FGFR1: variants seen among roughly 807,000 people sequenced by gnomAD.
FGFR1 encodes the protein fibroblast growth factor receptor 1.
FGFR1 carries 18 observed loss-of-function variants against 93.7 expected under a neutral mutation model. That is an observed-to-expected ratio of 0.19 (90% CI 0.13 to 0.28). The LOEUF (loss-of-function observed/expected upper bound fraction) is 0.28. Ranked by LOEUF, FGFR1 falls within the 10% of genes least tolerant of loss-of-function variation. The probability of loss-of-function intolerance (pLI) is 1.00; values close to 1 mark genes in which losing one functional copy is unlikely to be tolerated. For missense variants in FGFR1, 731 were observed against 1,080.4 expected, an observed-to-expected ratio of 0.68 and a Z score of 4.53; for synonymous variants, 448 against 429.3, an observed-to-expected ratio of 1.04 and a Z score of -0.54.
At chr8:38,444,572 T>TTTTTTTG (rs1182367329) in intron 2 of FGFR1, among the ~76,000 whole-genome samples, 1 of 150,618 alleles carries the variant, frequency 6.6e-6, no homozygotes, top group Non-Finnish European at 1.5e-5. Flanking sequence ...TTTTTTTTTT[T>TTTTTTTG]GTAGAGACAG....
At chr8:38,425,987 C>T in intron 6 of FGFR1, 135 bp downstream of exon 6, 1 of 1,171,144 alleles carries the variant, frequency 8.5e-7, no homozygotes, top group South Asian at 1.2e-5. Flanking sequence ...AAGTGACCTG[C>T]TCAAGGTGAC....
At position 38,413,898 on chromosome 8, in the gene FGFR1, TCTGGCA is replaced by T. The variant is rs1563428565; in HGVS notation, c.2292+14_2292+19del. The T allele has an allele frequency of 6.2e-7, 1 of 1,613,726 alleles. No homozygotes were observed. The highest frequency in any genetic ancestry group is 1.3e-5 in the African/African-American group (1 of 74,998). Reference sequence around the variant, plus strand: ...CAGTGGGGACGGCCTGAGCTCTGGCTCTGGCACGGGCAGCCTTACCTGGTTGGAGGT... The same window carrying T: ...CAGTGGGGACGGCCTGAGCTCTGGCTCGGGCAGCCTTACCTGGTTGGAGGT... On this transcript the variant is annotated intron_variant, in intron 17 of 17. Coordinates refer to ENST00000447712, the MANE Select transcript of FGFR1 (RefSeq NM_023110.3). This position sits in a 1 kb window ranked among gnomAD's most constrained non-coding sequence, Gnocchi z 4.2.
At chr8:38,450,814 G>A (rs1188606867) in intron 2 of FGFR1, among the ~76,000 whole-genome samples, 1 of 152,226 alleles carries the variant, frequency 6.6e-6, no homozygotes, top group Admixed American at 6.5e-5. Flanking sequence ...TGGAAAATCA[G>A]TGAAGCTAAT....
At chr8:38,467,750 A>AGCGCAGGGAGGGG (rs1400565026) in intron 1 of FGFR1, 1 of 231,948 alleles carries the variant, frequency 4.3e-6, no homozygotes, top group Non-Finnish European at 8.5e-6. Flanking sequence ...CGGCGGGACG[A>AGCGCAGGGAGGGG]GCGCAGGGAG....
rs1475514539 is a variant in FGFR1 at position 38,467,662 on chromosome 8, C to T, written c.-89+319G>A. ...GCCTTCGCCCCGGGCCTGTCCCTCC[C>T]GGGACTCACTGAGGAGCCGCCGCCG... On this transcript the variant is annotated intron_variant, in intron 1 of 17. Coordinates refer to ENST00000447712, the MANE Select transcript of FGFR1 (RefSeq NM_023110.3). 16 of 234,024 alleles carry T rather than the reference C, an allele frequency of 6.8e-5. No individual in the cohort carries two copies. The East Asian group carries it at 8.4e-4, about 12-fold the overall frequency. 14.5% of individuals were successfully genotyped at this position (234,024 alleles called of 1,614,324 possible). A position where few individuals can be genotyped will look rare whatever the true frequency, so the allele number is the denominator to read the frequency against.
In FGFR1 at chr8:38,428,451, G is replaced by C; in HGVS notation, c.359-16C>G. On this transcript the variant is annotated splice_polypyrimidine_tract_variant and intron_variant, in intron 3 of 17. Transcript: ENST00000447712. ...GGGAGAGCATCTATGGGAAGAAGAA[G>C]GGGCACTGAGGTTCCTCCTAGGGAC... The C allele has an allele frequency of 6.2e-7, 1 of 1,600,076 alleles. No individual in the cohort carries two copies. The highest frequency in any genetic ancestry group is 8.5e-7 in the Non-Finnish European group (1 of 1,172,112).
chr8:38,462,088 A>C (rs1834525046), intron 1 of FGFR1, among the ~76,000 whole-genome samples: 1 of 152,238 alleles, frequency 6.6e-6, no homozygotes, highest in African/African-American at 2.4e-5. Flanking sequence ...CGCATCTTAA[A>C]AACTTGTTAT....
intron 2 of FGFR1, among the ~76,000 whole-genome samples, chr8:38,437,481 G>A (rs954118491): frequency 2.6e-5 from 4 of 152,216 alleles, no homozygotes; most frequent in Non-Finnish European, 4.4e-5. Flanking sequence ...TCTAGCACAG[G>A]CTCTGACGTC....
At chr8:38,443,484 A>C (rs1586591058) in intron 2 of FGFR1, among the ~76,000 whole-genome samples, 1 of 141,662 alleles carries the variant, frequency 7.1e-6, no homozygotes, top group Admixed American at 7.3e-5. Flanking sequence ...ACAAAGTGAG[A>C]CCTCATCTCT....
At chr8:38,448,735 A>T (rs1024075127) in intron 2 of FGFR1, among the ~76,000 whole-genome samples, 9 of 152,022 alleles carry the variant, frequency 5.9e-5, no homozygotes, top group African/African-American at 2.2e-4. Flanking sequence ...CGGGTGGATC[A>T]CTTGAAGTCA....
Position 38,413,463 on chromosome 8 carries a change from T to G in FGFR1, c.*165A>C. The G allele has an allele frequency of 1.5e-6, 1 of 665,402 alleles. No homozygotes were observed. 41.2% of individuals were successfully genotyped at this position (665,402 alleles called of 1,614,324 possible). On this transcript the variant is annotated 3_prime_UTR_variant, in exon 18 of 18. Coordinates refer to ENST00000447712, the MANE Select transcript of FGFR1 (RefSeq NM_023110.3). This position sits in a 1 kb window ranked among gnomAD's most constrained non-coding sequence, Gnocchi z 4.2. ...GGTGGAGAGGAGGTGGAGGGAGAGGTGAGCTGAGTGGGGTGAAGGCAGGCC... is the reference window on the plus strand; with the variant it reads ...GGTGGAGAGGAGGTGGAGGGAGAGGGGAGCTGAGTGGGGTGAAGGCAGGCC...
intron 7 of FGFR1, chr8:38,423,311 AGTTTT>A: frequency 2.8e-6 from 1 of 351,866 alleles, no homozygotes; most frequent in Non-Finnish European, 5.0e-6. Flanking sequence ...TTTCCCTTTT[AGTTTT>A]TTTTTTTTTT....
rs1447897524 is a variant in FGFR1, at chr8:38,454,984, T to TTC, written c.91+2371_91+2372insGA. Among the ~76,000 whole-genome samples, 4 of 148,486 alleles carry TTC rather than the reference T, an allele frequency of 2.7e-5. No individual in the cohort carries two copies. In the East Asian group the frequency reaches 7.8e-4, roughly 29 times the overall value. On this transcript the variant is annotated intron_variant, in intron 2 of 17. Coordinates refer to ENST00000447712, the MANE Select transcript of FGFR1 (RefSeq NM_023110.3). ...GTTTTCTTTTCTTGCTTTTTTTTTT[T>TTC]TTTTTTTTTTAGACAGAGTTTCACT...
chr8:38,440,842 T>C (rs930700950), intron 2 of FGFR1, among the ~76,000 whole-genome samples: 1 of 152,130 alleles, frequency 6.6e-6, no homozygotes, highest in African/African-American at 2.4e-5. Flanking sequence ...CTAAAGGTAT[T>C]TCCTGAGGAG....
chr8:38,415,881 C>T lies in FGFR1; in HGVS notation c.1843G>A (p.Ala615Thr), dbSNP rs777228638. 1 of 1,613,592 alleles carries T rather than the reference C, an allele frequency of 6.2e-7. No individual in the cohort carries two copies. The highest frequency in any genetic ancestry group is 8.5e-7 in the Non-Finnish European group (1 of 1,180,036). The change falls in exon 13 of 18, where the codon GCC (alanine) becomes ACC (threonine). Residue 615 changes from alanine (A) to threonine (T), a missense_variant. Transcript: ENST00000447712. ...TTCAGGTTCCACACCTTCTTGGAGG[C>T]CAGATACTCCATGCCTCGGGCCACC... Reference protein sequence around the residue: ...YQVARGMEYLASKKCIHRDLA... With the variant: ...YQVARGMEYLTSKKCIHRDLA...
intron 1 of FGFR1, among the ~76,000 whole-genome samples, chr8:38,461,459 C>T (rs1013130593): frequency 2.6e-5 from 4 of 152,134 alleles, no homozygotes; most frequent in African/African-American, 9.7e-5. Flanking sequence ...CTCAGCCTCC[C>T]GAGAAGCTGG....
rs772794963 is a variant in FGFR1 at position 38,418,356 on chromosome 8, A to C, written c.1302T>G (p.Ser434Arg). Residue 434 changes from serine to arginine, a missense_variant, in exon 10 of 18, where the codon AGT becomes AGG. Around this residue, in one of 10 missense-constraint regions of FGFR1, gnomAD observed 146 missense variants for 173.0 expected, o/e 0.84. Transcript: ENST00000447712. ...GAAGAACCCCAGAGTTCATGGATGC[A>C]CTGGAGTCAGCAGACACCTGCAAGG... ...RRQVTVSADSSASMNSGVLLV... is the reference protein window; with the variant it reads ...RRQVTVSADSRASMNSGVLLV... 1.2e-6 allele frequency: 2 copies of C among 1,614,110 alleles called. No individual in the cohort carries two copies. Among genetic ancestry groups the C allele is most frequent in the Non-Finnish European group, 1.7e-6 (2 of 1,179,978 alleles).
intron 9 of FGFR1, 56 bp downstream of exon 9, chr8:38,419,477 A>T: frequency 1.4e-6 from 2 of 1,472,496 alleles, no homozygotes; most frequent in Non-Finnish European, 1.9e-6. Flanking sequence ...AGGGCAGGGC[A>T]TTAGAGGCCC....
intron 1 of FGFR1, 82 bp downstream of exon 1, chr8:38,467,898 AG>A (rs1317681043): frequency 4.5e-6 from 1 of 222,360 alleles, no homozygotes; most frequent in Non-Finnish European, 9.0e-6. Context: ...CGGCGGGCAA[AG>A]CGCGCAGCCG....
Sources: allele counts gnomAD v4.1 joint callset (sites outside exome capture counted in the v4.1 genomes callset), GRCh38; gene constraint gnomAD v4.1.1; regional missense constraint gnomAD v4.1.1; non-coding constraint Gnocchi (gnomAD v3.1); transcripts MANE v1.5; gene names NCBI Gene and HGNC (gene_info 2026-07-23, HGNC 2026-07-21).